SMIM14: variants seen among roughly 807,000 people sequenced by gnomAD.
The protein encoded by SMIM14 is chromosome 4 open reading frame 34.
A neutral mutation model predicts 12.6 loss-of-function variants in SMIM14; 5 were observed. That is an observed-to-expected ratio of 0.40 (90% CI 0.21 to 0.83). SMIM14 has a LOEUF of 0.83. Ranked by LOEUF, SMIM14 falls within the 40% of genes least tolerant of loss-of-function variation. The pLI is 0.37. For missense variants in SMIM14, 86 were observed against 119.1 expected (o/e 0.72, Z 1.29); for synonymous variants, 30 against 40.1 (o/e 0.75, Z 0.95).
intron 1 of SMIM14, among the ~76,000 whole-genome samples, chr4:39,637,959 G>A (rs943157529): frequency 1.3e-5 from 2 of 152,152 alleles, no homozygotes; most frequent in Non-Finnish European, 2.9e-5. Flanking sequence ...ATTCTATTAA[G>A]GCCACAGCCT....
chr4:39,564,180 T>C (rs1712460697), intron 3 of SMIM14, among the ~76,000 whole-genome samples: 1 of 152,172 alleles, frequency 6.6e-6, no homozygotes, highest in African/African-American at 2.4e-5. Flanking sequence ...CTTATATAGG[T>C]TTCCGCTGGG....
At chr4:39,638,612 G>A (rs1275100155) in intron 1 of SMIM14, 127 bp downstream of exon 1, 1 of 975,624 alleles carries the variant, frequency 1.0e-6, no homozygotes, top group Non-Finnish European at 1.2e-6. Flanking sequence ...GAAACGCCAA[G>A]CCCGAGAAAC....
rs932949109 is a variant in SMIM14, at chr4:39,550,084, G to T, written c.*2042C>A. On this transcript the variant is annotated 3_prime_UTR_variant, in exon 5 of 5. Coordinates refer to ENST00000295958, the MANE Select transcript of SMIM14 (RefSeq NM_174921.3). ...TTATGAGTATCACAATTGTATCAGA[G>T]ACTATTAAACAGTACAATGATACAG... 6.6e-6 allele frequency: 1 copy of T among 151,956 alleles called. No individual in the cohort carries two copies. The highest frequency in any genetic ancestry group is 1.9e-4 in the East Asian group (1 of 5,196). 9.4% of individuals were successfully genotyped at this position (151,956 alleles called of 1,614,324 possible).
At chr4:39,569,650 T>C (rs1712777891) in intron 3 of SMIM14, among the ~76,000 whole-genome samples, 1 of 152,022 alleles carries the variant, frequency 6.6e-6, no homozygotes, top group Non-Finnish European at 1.5e-5. Context: ...GGCACTAGAA[T>C]TGCCTGAACC....
At chr4:39,624,654 T>C (rs550433115) in intron 1 of SMIM14, among the ~76,000 whole-genome samples, 13 of 151,458 alleles carry the variant, frequency 8.6e-5, no homozygotes, top group African/African-American at 2.7e-4. Context: ...TGAAACCCCA[T>C]CTCTACTAAA....
At chr4:39,637,487 G>A (rs1292506800) in intron 1 of SMIM14, among the ~76,000 whole-genome samples, 1 of 151,384 alleles carries the variant, frequency 6.6e-6, no homozygotes, top group Non-Finnish European at 1.5e-5. Flanking sequence ...TCCTGGGTTT[G>A]ATAAGGAGCA....
Position 39,601,868 on chromosome 4 carries a change from G to T in SMIM14, c.75+3203C>A, listed in dbSNP as rs149018385. ...AGGCTAAAGTGGGAGGATTGCTTGAGCCCAGGAGTTCAAGGTTGCAATGAG... is the reference window on the plus strand; with the variant it reads ...AGGCTAAAGTGGGAGGATTGCTTGATCCCAGGAGTTCAAGGTTGCAATGAG... On this transcript the variant is annotated intron_variant, in intron 2 of 4. Coordinates refer to ENST00000295958, the MANE Select transcript of SMIM14 (RefSeq NM_174921.3). Among the ~76,000 whole-genome samples, 746 of 150,696 alleles carry T rather than the reference G, an allele frequency of 5.0e-3. 4 individuals are homozygous for T. The highest frequency in any genetic ancestry group is 0.017 in the African/African-American group (704 of 41,052).
At chr4:39,559,532 A>G (rs1712187320) in intron 3 of SMIM14, among the ~76,000 whole-genome samples, 2 of 152,202 alleles carry the variant, frequency 1.3e-5, no homozygotes, top group Admixed American at 1.3e-4. Context: ...TGCCTCAGGA[A>G]AAAGTAAAAG....
At position 39,576,194 on chromosome 4, in the gene SMIM14, C is replaced by CT. The variant is rs758589176; in HGVS notation, c.76-3732dup. Among the ~76,000 whole-genome samples, 719 of 144,396 alleles carry CT rather than the reference C, an allele frequency of 5.0e-3. 8 individuals are homozygous for CT. The highest frequency in any genetic ancestry group is 0.014 in the African/African-American group (559 of 39,730). 94.7% of individuals were successfully genotyped at this position (144,396 alleles called of 152,430 possible). A position where few individuals can be genotyped will look rare whatever the true frequency, so the allele number is the denominator to read the frequency against. On this transcript the variant is annotated intron_variant, in intron 2 of 4. Coordinates refer to ENST00000295958, the MANE Select transcript of SMIM14 (RefSeq NM_174921.3). ...ACAGGCGTGAGTCACCATGCTTGGT[C>CT]TTTTTTTTTTTTCTTTCTTTTTATA...
intron 2 of SMIM14, among the ~76,000 whole-genome samples, chr4:39,596,784 G>A (rs149410481): frequency 2.7e-4 from 41 of 152,154 alleles, no homozygotes; most frequent in African/African-American, 9.6e-4. Context: ...AATTCTCTTT[G>A]TATTTCTAAT....
chr4:39,619,878 T>TATATA lies in SMIM14; in HGVS notation c.-35-14699_-35-14698insTATAT, dbSNP rs1195982564. On this transcript the variant is annotated intron_variant, in intron 1 of 4. Transcript: ENST00000295958. ...TATATATTTATATATATATATATAT[T>TATATA]TTTTTTTTTTTAAGAGCAAGATAGG... Among the ~76,000 whole-genome samples the TATATA allele has an allele frequency of 1.7e-3, 89 of 53,708 alleles. 1 individual carries two copies. Among genetic ancestry groups the TATATA allele is most frequent in the African/African-American group, 3.8e-3 (49 of 12,882 alleles). The allele number at this position is 53,708 out of a possible 152,430, so 35.2% of individuals were successfully genotyped here.
At chr4:39,556,600 C>A in intron 3 of SMIM14, 30 bp from the exon 4 acceptor site, 1 of 1,554,282 alleles carries the variant, frequency 6.4e-7, no homozygotes, top group South Asian at 1.2e-5. Context: ...GTAGCATGCT[C>A]ACAATATTGT....
chr4:39,553,089 C>T (rs555870234), intron 4 of SMIM14, among the ~76,000 whole-genome samples: 4 of 150,322 alleles, frequency 2.7e-5, no homozygotes, highest in Admixed American at 6.7e-5. Flanking sequence ...GAGACAGAGT[C>T]TCACTCTGTC....
At chr4:39,593,569 G>A (rs1237708196) in intron 2 of SMIM14, 1 of 152,198 alleles carries the variant, frequency 6.6e-6, no homozygotes, top group African/African-American at 2.4e-5. Flanking sequence ...TTAGGCAGGA[G>A]AAGGAAATAA....
chr4:39,557,350 G>A (rs1046464603), intron 3 of SMIM14, among the ~76,000 whole-genome samples: 1 of 151,984 alleles, frequency 6.6e-6, no homozygotes. Flanking sequence ...TAGTAGTGAC[G>A]ACGTCTCACT....
At chr4:39,582,533 GCAC>G in intron 2 of SMIM14, among the ~76,000 whole-genome samples, 1 of 151,664 alleles carries the variant, frequency 6.6e-6, no homozygotes, top group Non-Finnish European at 1.5e-5. Flanking sequence ...GTGTGGTGGT[GCAC>G]GGCTGTAATC....
chr4:39,612,373 G>A (rs1355944165), intron 1 of SMIM14, among the ~76,000 whole-genome samples: 1 of 152,022 alleles, frequency 6.6e-6, no homozygotes, highest in African/African-American at 2.4e-5. Flanking sequence ...TCCCGCCTCA[G>A]CCTCCCAAGT....
rs192350353 is a variant in SMIM14, at chr4:39,624,847, T to C, written c.-36+13892A>G. 1.4e-4 allele frequency among the ~76,000 whole-genome samples: 21 copies of C among 150,472 alleles called. 1 individual carries two copies. Among genetic ancestry groups the C allele is most frequent in the African/African-American group, 4.6e-4 (19 of 40,930 alleles). The stretch of plus-strand genomic sequence containing the variant: ...AAAAAAAAAAAAACTTCCTATTCGT[T>C]CTTAGTAACGAAATACTTTTCTCTT... On this transcript the variant is annotated intron_variant, in intron 1 of 4. Transcript: ENST00000295958.
At chr4:39,576,684 ATTTTTTTTTTTTTTTTTTTTT>A (rs574142564) in intron 2 of SMIM14, among the ~76,000 whole-genome samples, 7 of 25,544 alleles carry the variant, frequency 2.7e-4, no homozygotes, top group African/African-American at 1.1e-3. Flanking sequence ...ATATATATAT[ATTTTTTTTTTTTTTTTTTTTT>A]TTTTTTTTTT....
Sources: allele counts gnomAD v4.1 joint callset (sites outside exome capture counted in the v4.1 genomes callset), GRCh38; gene constraint gnomAD v4.1.1; transcripts MANE v1.5; gene names NCBI Gene and HGNC (gene_info 2026-07-23, HGNC 2026-07-21).